The following INTU variants were observed in gnomAD, a reference collection of about 807,000 sequenced individuals.
INTU encodes the protein inturned planar cell polarity protein, also known as protein inturned.
In INTU, 68 loss-of-function variants were observed where a neutral mutation model predicts 100.5. The ratio of observed to expected loss-of-function variants is 0.68; its 90% CI spans 0.56 to 0.83. The LOEUF is 0.83. INTU is among the 40% of genes least tolerant of loss of function. The probability of loss-of-function intolerance (pLI) is 0.00; values close to 1 mark genes in which losing one functional copy is unlikely to be tolerated. For missense variants in INTU, 1,071 were observed against 1,114.7 expected (o/e 0.96, Z 0.56); for synonymous variants, 357 against 395.7 (o/e 0.90, Z 1.16).
chr4:127,682,677 A>G (rs1729633396), intron 6 of INTU, among the ~76,000 whole-genome samples: 1 of 151,790 alleles, frequency 6.6e-6, no homozygotes, highest in Non-Finnish European at 1.5e-5. Context: ...GCACACCAGC[A>G]TGGCACATGT....
At position 127,691,972 on chromosome 4, in the gene INTU, A is replaced by G. The variant is rs905640714; in HGVS notation, c.1449+4105A>G. ...AGTGTTCCATGGTATGTATATATATATATATATATGTCACATTTTCTTTAT... is the reference window on the plus strand; with the variant it reads ...AGTGTTCCATGGTATGTATATATATGTATATATATGTCACATTTTCTTTAT... On this transcript the variant is annotated intron_variant, in intron 8 of 15. Transcript: ENST00000335251. Among the ~76,000 whole-genome samples, 4 of 141,734 alleles carry G rather than the reference A, an allele frequency of 2.8e-5. 1 individual carries two copies. The highest frequency in any genetic ancestry group is 7.9e-5 in the African/African-American group (3 of 37,890). The allele number at this position is 141,734 out of a possible 152,430, so 93.0% of individuals were successfully genotyped here.
chr4:127,673,258 C>T (rs780907071), intron 5 of INTU, among the ~76,000 whole-genome samples: 2 of 151,978 alleles, frequency 1.3e-5, no homozygotes, highest in Non-Finnish European at 2.9e-5. Context: ...CTAACCGCAG[C>T]CTTGACCTCC....
intron 2 of INTU, among the ~76,000 whole-genome samples, chr4:127,646,078 G>A (rs1187358361): frequency 1.3e-5 from 2 of 151,818 alleles, no homozygotes; most frequent in Admixed American, 1.3e-4. Flanking sequence ...CAGCTGCTGG[G>A]GAGGCTGGGG....
At chr4:127,648,212 G>A (rs1208875625) in intron 2 of INTU, among the ~76,000 whole-genome samples, 5 of 152,126 alleles carry the variant, frequency 3.3e-5, no homozygotes, top group Non-Finnish European at 1.5e-5. Context: ...TACTTATGGA[G>A]AAAGACCTTT....
intron 8 of INTU, among the ~76,000 whole-genome samples, chr4:127,691,220 T>C (rs1730106303): frequency 6.6e-6 from 1 of 152,192 alleles, no homozygotes; most frequent in Non-Finnish European, 1.5e-5. Context: ...TAGTATTTCA[T>C]TGTTCAGGTA....
At chr4:127,678,190 C>T (rs1729326712) in intron 6 of INTU, among the ~76,000 whole-genome samples, 1 of 152,090 alleles carries the variant, frequency 6.6e-6, no homozygotes, top group African/African-American at 2.4e-5. Context: ...GAATATTATC[C>T]AGGAGAACTT....
Position 127,663,501 on chromosome 4 carries a change from G to T in INTU, c.889G>T (p.Gly297Cys), listed in dbSNP as rs753900288. ...VKLLWGEEVE[G>C]IQQSGLNTPH... ...GCTTCTCTGGGGAGAAGAGGTTGAA[G>T]GTATCCAGCAGAGTGGCCTAAACAC... Residue 297 changes from glycine to cysteine, a missense_variant, in exon 4 of 16, where the codon GGT becomes TGT. By Grantham distance (159) the Gly-to-Cys change is radical. Coordinates refer to ENST00000335251, the MANE Select transcript of INTU (RefSeq NM_015693.4). 6.2e-7 allele frequency: 1 copy of T among 1,613,548 alleles called. No individual in the cohort carries two copies. The highest frequency in any genetic ancestry group is 8.5e-7 in the Non-Finnish European group (1 of 1,179,626).
At chr4:127,686,902 G>A (rs1578602967) in intron 7 of INTU, 1 of 152,150 alleles carries the variant, frequency 6.6e-6, no homozygotes, top group Admixed American at 6.6e-5. Context: ...TATGCCGATA[G>A]CATATGTACC....
chr4:127,700,495 A>C (rs892357413), intron 9 of INTU, among the ~76,000 whole-genome samples: 1 of 152,196 alleles, frequency 6.6e-6, no homozygotes, highest in African/African-American at 2.4e-5. Flanking sequence ...TAATACCCAG[A>C]CCATGGTGTA....
In INTU at chr4:127,656,689, A is replaced by G; in HGVS notation, c.736A>G (p.Arg246Gly). The change falls in exon 3 of 16, where the codon AGA becomes GGA. Residue 246 changes from arginine (R) to glycine (G), a missense_variant. Arg to Gly is a moderately radical substitution (Grantham distance 125). Coordinates refer to ENST00000335251, the MANE Select transcript of INTU (RefSeq NM_015693.4). ...DVDVTTENIE[R>G]VLSCIPGPMQ... ...CGATGTTACTACTGAAAACATCGAG[A>G]GAGTTCTGTCTTGCATTCCTGGACC... 6.2e-7 allele frequency: 1 copy of G among 1,611,054 alleles called. No individual in the cohort carries two copies. The highest frequency in any genetic ancestry group is 8.5e-7 in the Non-Finnish European group (1 of 1,177,758).
At chr4:127,679,144 A>G (rs1272168326) in intron 6 of INTU, among the ~76,000 whole-genome samples, 1 of 151,908 alleles carries the variant, frequency 6.6e-6, no homozygotes, top group Non-Finnish European at 1.5e-5. Context: ...ACTCCCACAC[A>G]ATAATAATGG....
chr4:127,677,274 T>A (rs1729257368), intron 6 of INTU, among the ~76,000 whole-genome samples: 1 of 152,096 alleles, frequency 6.6e-6, no homozygotes, highest in African/African-American at 2.4e-5. Context: ...CAGCTGGAGA[T>A]CTGAGAATGG....
At chr4:127,676,607 G>A (rs1729202071) in intron 6 of INTU, among the ~76,000 whole-genome samples, 2 of 148,928 alleles carry the variant, frequency 1.3e-5, no homozygotes, top group Admixed American at 6.6e-5. Context: ...AAAAGAGAGA[G>A]AGAGGTGGGA....
intron 1 of INTU, 22 bp from the exon 2 acceptor site, chr4:127,643,499 T>G: frequency 6.4e-7 from 1 of 1,551,730 alleles, no homozygotes. Context: ...GCTATTAAGA[T>G]TATCTTTTCT....
chr4:127,678,284 C>T (rs973662931), intron 6 of INTU, among the ~76,000 whole-genome samples: 1 of 151,974 alleles, frequency 6.6e-6, no homozygotes, highest in Non-Finnish European at 1.5e-5. Context: ...AGAGCAACTC[C>T]AAGACACATA....
At chr4:127,653,136 T>C (rs1202680405) in intron 2 of INTU, among the ~76,000 whole-genome samples, 2 of 148,312 alleles carry the variant, frequency 1.3e-5, no homozygotes, top group African/African-American at 2.5e-5. Context: ...GTCTTGCTAG[T>C]GGTCTATCAA....
At chr4:127,635,451 T>C (rs1727027298) in intron 1 of INTU, among the ~76,000 whole-genome samples, 1 of 152,186 alleles carries the variant, frequency 6.6e-6, no homozygotes, top group Admixed American at 6.5e-5. Flanking sequence ...TTACAGAGAG[T>C]TTGTCAATGT....
At chr4:127,696,592 A>G (rs4833383) in intron 8 of INTU, among the ~76,000 whole-genome samples, 82,744 of 151,126 alleles carry the variant, frequency 0.55, 22,847 homozygotes, top group Middle Eastern at 0.68. Context: ...TTAGGCTAGA[A>G]GCTTATACGT....
Position 127,708,591 on chromosome 4 carries a change from T to A in INTU, c.2292T>A (p.Thr764=), listed in dbSNP as rs1442567033. ...TTCAGGTCACTAAAAAGAAGTCTAC[T>A]CTTCCAAATCCATTTCATTTGGGAA... The part of the protein sequence containing the change: ...TLLKVTKKKS[T]LPNPFHLGNL... The change falls in exon 13 of 16, where the codon ACT becomes ACA. Residue 764 remains threonine (T), a synonymous_variant. Coordinates refer to ENST00000335251, the MANE Select transcript of INTU (RefSeq NM_015693.4). The A allele has an allele frequency of 6.3e-7, 1 of 1,592,696 alleles. No homozygotes were observed. The highest frequency in any genetic ancestry group is 8.6e-7 in the Non-Finnish European group (1 of 1,163,970).
Sources: gnomAD v4.1 joint callset for allele counts (sites outside exome capture counted in the v4.1 genomes callset) on GRCh38, gnomAD v4.1.1 for gene constraint, MANE v1.5 for transcripts, NCBI Gene and HGNC (gene_info 2026-07-23, HGNC 2026-07-21) for gene names.